The following RNF150 variants were observed in gnomAD, a reference collection of about 807,000 sequenced individuals.
RNF150 encodes the protein ring finger protein 150.
A neutral mutation model predicts 39.3 loss-of-function variants in RNF150; 24 were observed. The ratio of observed to expected loss-of-function variants is 0.61; its 90% CI spans 0.44 to 0.86. RNF150 has a LOEUF of 0.86. Ranked by LOEUF, RNF150 falls within the 40% of genes least tolerant of loss-of-function variation. The probability of loss-of-function intolerance (pLI) is 0.00; values close to 1 mark genes in which losing one functional copy is unlikely to be tolerated. For synonymous variants in RNF150, 255 were observed against 227.3 expected (o/e 1.12, Z -1.10); for missense variants, 502 against 587.8 (o/e 0.85, Z 1.51).
chr4:140,887,433 C>G (rs1485312478), intron 6 of RNF150, among the ~76,000 whole-genome samples: 2 of 152,194 alleles, frequency 1.3e-5, no homozygotes, highest in African/African-American at 4.8e-5. Context: ...ATGTTTTATT[C>G]TTTCCCCACT....
intron 1 of RNF150, among the ~76,000 whole-genome samples, chr4:141,067,272 C>T (rs1438204915): frequency 6.6e-6 from 1 of 152,162 alleles, no homozygotes. Flanking sequence ...TACCATTTTG[C>T]AAGAATGTGA....
At chr4:140,925,802 A>C (rs1207228497) in intron 5 of RNF150, among the ~76,000 whole-genome samples, 175 bp downstream of exon 5, 1 of 152,146 alleles carries the variant, frequency 6.6e-6, no homozygotes, top group Non-Finnish European at 1.5e-5. Flanking sequence ...CTCAGAGAAA[A>C]AGTGAGGGGA....
At chr4:141,091,928 G>A (rs909718687) in intron 1 of RNF150, among the ~76,000 whole-genome samples, 10 of 152,288 alleles carry the variant, frequency 6.6e-5, no homozygotes, top group African/African-American at 1.9e-4. Flanking sequence ...GTGCCAAACA[G>A]AGATACACAA....
At chr4:140,898,101 A>G (rs1342943394) in intron 6 of RNF150, among the ~76,000 whole-genome samples, 3 of 152,190 alleles carry the variant, frequency 2.0e-5, no homozygotes, top group Non-Finnish European at 4.4e-5. Context: ...ACTACCACTC[A>G]GTATGGATGG....
At chr4:141,100,974 GGC>G (rs1476691722) in intron 1 of RNF150, among the ~76,000 whole-genome samples, 1 of 152,198 alleles carries the variant, frequency 6.6e-6, no homozygotes. Context: ...AATCATGAAT[GGC>G]GCTTCTAAGA....
At chr4:141,146,358 A>G (rs1294151136) in intron 1 of RNF150, among the ~76,000 whole-genome samples, 1 of 152,204 alleles carries the variant, frequency 6.6e-6, no homozygotes, top group Non-Finnish European at 1.5e-5. Context: ...GAATATTCAC[A>G]AGAGAATTAT....
intron 1 of RNF150, among the ~76,000 whole-genome samples, chr4:140,974,894 G>A (rs768509584): frequency 1.2e-4 from 19 of 152,148 alleles, no homozygotes; most frequent in East Asian, 3.9e-4. Context: ...GCATGGGTCC[G>A]CTAATACATG....
At chr4:140,955,961 A>G (rs979154600) in intron 2 of RNF150, among the ~76,000 whole-genome samples, 5 of 152,232 alleles carry the variant, frequency 3.3e-5, no homozygotes, top group Non-Finnish European at 7.3e-5. Flanking sequence ...GAAATCTTTC[A>G]GGAAAACTTT....
In RNF150 at chr4:141,132,198, A is replaced by G; in HGVS notation, c.484+127T>C. 9 of 971,452 alleles carry G rather than the reference A, an allele frequency of 9.3e-6. No individual in the cohort carries two copies. The highest frequency in any genetic ancestry group is 2.5e-5 in the Admixed American group (1 of 39,396). The allele number at this position is 971,452 out of a possible 1,614,324, so 60.2% of individuals were successfully genotyped here. On this transcript the variant is annotated intron_variant, in intron 1 of 6. Transcript: ENST00000515673. This position sits in a 1 kb window ranked among gnomAD's most constrained non-coding sequence, Gnocchi z 4.9. ...ACGCGGAGCAAAACTTAATCGGTCC[A>G]GGGAACCCAGACACGTCTTCCGCGC...
chr4:140,899,974 CTGTGTGTGTGTG>C (rs71852763), intron 6 of RNF150, among the ~76,000 whole-genome samples: 5 of 69,220 alleles, frequency 7.2e-5, no homozygotes, highest in Non-Finnish European at 1.9e-4. Flanking sequence ...CTCTCTCTCT[CTGTGTGTGTGTG>C]TGTGTGTGTG....
chr4:141,202,695 A>G (rs1426835075), intron 1 of RNF150, among the ~76,000 whole-genome samples: 1 of 152,008 alleles, frequency 6.6e-6, no homozygotes, highest in Non-Finnish European at 1.5e-5. Context: ...ATTAATTTAT[A>G]AAATCATAAT....
intron 1 of RNF150, among the ~76,000 whole-genome samples, chr4:141,012,782 A>AAAAAAC (rs1735122190): frequency 6.8e-5 from 1 of 14,678 alleles, no homozygotes; most frequent in African/African-American, 1.9e-4. Context: ...ACTCTGTCTC[A>AAAAAAC]AAAAAAAAAA....
At chr4:141,073,664 G>GGT (rs1553944073) in intron 1 of RNF150, among the ~76,000 whole-genome samples, 1 of 38,054 alleles carries the variant, frequency 2.6e-5, no homozygotes. Flanking sequence ...TATCAAGCTC[G>GGT]GGGGGGGAAG....
chr4:141,062,499 GT>G (rs1048678560), intron 1 of RNF150, among the ~76,000 whole-genome samples: 33 of 150,098 alleles, frequency 2.2e-4, no homozygotes, highest in African/African-American at 4.2e-4. Flanking sequence ...CAGCACCTTT[GT>G]TTTTTTTTCC....
intron 1 of RNF150, among the ~76,000 whole-genome samples, chr4:141,128,398 C>T (rs926250862): frequency 6.6e-6 from 1 of 152,170 alleles, no homozygotes; most frequent in Admixed American, 6.5e-5. Flanking sequence ...CACCAGGACA[C>T]AAATCCAAGT....
intron 1 of RNF150, among the ~76,000 whole-genome samples, chr4:141,108,540 T>C (rs1739286075): frequency 6.6e-6 from 1 of 152,218 alleles, no homozygotes; most frequent in Non-Finnish European, 1.5e-5. Context: ...ACTTCTAAGA[T>C]GATTTTTAAA....
At position 140,967,794 on chromosome 4, in the gene RNF150, G is replaced by A. The variant is rs147326623; in HGVS notation, c.564C>T (p.Thr188=). The change falls in exon 2 of 7, where the codon ACC becomes ACT. Residue 188 remains threonine, a synonymous_variant. Coordinates refer to ENST00000515673, the MANE Select transcript of RNF150 (RefSeq NM_020724.2). Reference sequence around the variant, plus strand: ...TTCCGATGGTGATGTACATTGTCACGGTGATGTTTCTTTCCAGCAGGCTTA... The same window carrying A: ...TTCCGATGGTGATGTACATTGTCACAGTGATGTTTCTTTCCAGCAGGCTTA... ...EIVSLLERNI[T]VTMYITIGTR... is the part of the protein sequence containing the mutation. 7.7e-5 allele frequency: 124 copies of A among 1,613,494 alleles called. 1 individual carries two copies. The African/African-American group carries it at 1.4e-3, about 18-fold the overall frequency.
chr4:141,182,925 A>G (rs555255151), intron 1 of RNF150, among the ~76,000 whole-genome samples: 2 of 151,382 alleles, frequency 1.3e-5, no homozygotes, highest in African/African-American at 2.4e-5. Flanking sequence ...ACCTGACTTC[A>G]AACTATACTA....
chr4:141,004,111 G>C (rs996139448), intron 1 of RNF150, among the ~76,000 whole-genome samples: 5 of 152,012 alleles, frequency 3.3e-5, no homozygotes, highest in African/African-American at 1.2e-4. Context: ...AACTTCTATT[G>C]AGCATTTACA....
Sources: allele counts gnomAD v4.1 joint callset (sites outside exome capture counted in the v4.1 genomes callset), GRCh38; gene constraint gnomAD v4.1.1; non-coding constraint Gnocchi (gnomAD v3.1); transcripts MANE v1.5; gene names NCBI Gene and HGNC (gene_info 2026-07-23, HGNC 2026-07-21).